The following NSMAF variants were observed in gnomAD, a reference collection of about 807,000 sequenced individuals.
NSMAF encodes protein FAN.
A neutral mutation model predicts 134.9 loss-of-function variants in NSMAF; 90 were observed. That is an observed-to-expected ratio of 0.67 (90% confidence interval 0.56 to 0.79). The LOEUF (loss-of-function observed/expected upper bound fraction) is 0.79. NSMAF is among the 30% of genes least tolerant of loss of function. The probability of loss-of-function intolerance (pLI) is 0.00; values close to 1 mark genes in which losing one functional copy is unlikely to be tolerated. For synonymous variants in NSMAF, 358 were observed against 389.6 expected, an observed-to-expected ratio of 0.92 and a Z score of 0.96; for missense variants, 1,010 against 1,119.0, an observed-to-expected ratio of 0.90 and a Z score of 1.39.
At chr8:58,602,255 C>A in intron 13 of NSMAF, 118 bp from the exon 14 acceptor site, 1 of 666,898 alleles carries the variant, frequency 1.5e-6, no homozygotes, top group East Asian at 3.0e-5. Flanking sequence ...GAGAGCAATC[C>A]ATGAGAGTTA....
At chr8:58,619,987 C>G (rs765350365) in intron 9 of NSMAF, among the ~76,000 whole-genome samples, 23 of 152,108 alleles carry the variant, frequency 1.5e-4, no homozygotes, top group Non-Finnish European at 3.1e-4. Flanking sequence ...TAATAATTAG[C>G]TTAGTGGTAC....
At chr8:58,598,490 C>CAAA (rs71250204) in intron 19 of NSMAF, among the ~76,000 whole-genome samples, 85 of 125,978 alleles carry the variant, frequency 6.7e-4, no homozygotes, top group East Asian at 9.0e-4. Context: ...CTGTCTCAAA[C>CAAA]AAAAAAAAAA....
chr8:58,659,430 G>C (rs1222396301), intron 1 of NSMAF, 143 bp downstream of exon 1: 1 of 1,501,102 alleles, frequency 6.7e-7, no homozygotes, highest in East Asian at 2.8e-5. Context: ...ACAGCCCCCA[G>C]CCCAGGCCCT....
intron 1 of NSMAF, among the ~76,000 whole-genome samples, chr8:58,655,452 T>C (rs1479390228): frequency 2.7e-5 from 4 of 150,224 alleles, no homozygotes; most frequent in African/African-American, 9.8e-5. Flanking sequence ...CAGGCTGGGG[T>C]GCAGTGGTAT....
chr8:58,584,836 G>A (rs570279613), intron 30 of NSMAF, among the ~76,000 whole-genome samples: 161 of 152,188 alleles, frequency 1.1e-3, no homozygotes, highest in African/African-American at 3.7e-3. Flanking sequence ...ATGAGGTTTC[G>A]CTATGTTGCC....
chr8:58,593,955 C>G (rs922270101), intron 23 of NSMAF, among the ~76,000 whole-genome samples: 9 of 152,208 alleles, frequency 5.9e-5, no homozygotes, highest in African/African-American at 1.7e-4. Context: ...CATGGGCAGG[C>G]AGGAAGTGCC....
At chr8:58,593,383 G>A (rs1211555144) in intron 23 of NSMAF, among the ~76,000 whole-genome samples, 1 of 152,194 alleles carries the variant, frequency 6.6e-6, no homozygotes, top group Non-Finnish European at 1.5e-5. Context: ...GAATCTGAGA[G>A]TAGTAATTCT....
At chr8:58,589,401 T>A (rs767623533) in intron 26 of NSMAF, 51 bp downstream of exon 26, 1 of 1,355,516 alleles carries the variant, frequency 7.4e-7, no homozygotes, top group South Asian at 2.1e-5. Flanking sequence ...AAATTATACA[T>A]ATGCCATATA....
At chr8:58,586,287 AGT>A (rs1805883425) in intron 28 of NSMAF, 169 bp downstream of exon 28, 1 of 661,010 alleles carries the variant, frequency 1.5e-6, no homozygotes, top group Non-Finnish European at 2.6e-6. Context: ...AAATGCCACA[AGT>A]ATACTGTACC....
chr8:58,625,945 A>G (rs1806919702), intron 6 of NSMAF, among the ~76,000 whole-genome samples: 2 of 151,680 alleles, frequency 1.3e-5, no homozygotes, highest in Admixed American at 6.6e-5. Flanking sequence ...TTTGTGGTAC[A>G]GGTGGTTTTT....
intron 2 of NSMAF, among the ~76,000 whole-genome samples, chr8:58,641,963 G>A (rs1342412917): frequency 6.6e-6 from 1 of 152,122 alleles, no homozygotes; most frequent in Non-Finnish European, 1.5e-5. Flanking sequence ...ATATACGATA[G>A]AAGAATGTTG....
intron 6 of NSMAF, among the ~76,000 whole-genome samples, chr8:58,628,562 G>C (rs906065737): frequency 2.0e-5 from 3 of 152,080 alleles, no homozygotes; most frequent in Non-Finnish European, 4.4e-5. Context: ...TTGTATACCA[G>C]AATTAAACTG....
intron 9 of NSMAF, among the ~76,000 whole-genome samples, chr8:58,614,929 C>T (rs1806623191): frequency 6.6e-6 from 1 of 151,940 alleles, no homozygotes; most frequent in Admixed American, 6.6e-5. Flanking sequence ...AAAAGCAAGA[C>T]TCAACTATAT....
chr8:58,612,011 C>G (rs1457523868), intron 9 of NSMAF, among the ~76,000 whole-genome samples: 1 of 152,152 alleles, frequency 6.6e-6, no homozygotes, highest in Non-Finnish European at 1.5e-5. Context: ...TGTGTAATTT[C>G]CCGAGTGACA....
chr8:58,610,897 C>G (rs1806515035), intron 9 of NSMAF, among the ~76,000 whole-genome samples: 3 of 152,264 alleles, frequency 2.0e-5, no homozygotes, highest in East Asian at 1.9e-4. Context: ...TTTATCACTC[C>G]CTCAATAGAG....
chr8:58,612,254 G>A (rs1806545585), intron 9 of NSMAF, among the ~76,000 whole-genome samples: 1 of 152,150 alleles, frequency 6.6e-6, no homozygotes, highest in East Asian at 1.9e-4. Context: ...AGAGGCTGGA[G>A]ACTGAGTTAA....
chr8:58,586,032 G>C, intron 28 of NSMAF, 32 bp from the exon 29 acceptor site: 2 of 1,469,268 alleles, frequency 1.4e-6, no homozygotes, highest in Non-Finnish European at 1.9e-6. Context: ...AGATATGAGT[G>C]ACAGCTTCAG....
chr8:58,608,923 C>A (rs143857347), intron 10 of NSMAF, among the ~76,000 whole-genome samples: 1 of 152,192 alleles, frequency 6.6e-6, no homozygotes, highest in Non-Finnish European at 1.5e-5. Context: ...GATTTCTGTT[C>A]TTTTAATGGA....
In NSMAF at chr8:58,635,453, T is replaced by G. The variant is rs1807151066; in HGVS notation, c.228+15A>C. 1.3e-6 allele frequency: 2 copies of G among 1,584,030 alleles called. No individual in the cohort carries two copies. Among genetic ancestry groups the G allele is most frequent in the African/African-American group, 1.4e-5 (1 of 73,444 alleles). On this transcript the variant is annotated intron_variant, in intron 3 of 30. Transcript: ENST00000038176. Reference sequence around the variant, plus strand: ...AAAATAGGAATGTTTCTGTTCATATTTAAAATGTATTTACCTTGATGATGG... The same window carrying G: ...AAAATAGGAATGTTTCTGTTCATATGTAAAATGTATTTACCTTGATGATGG...
Sources: allele counts gnomAD v4.1 joint callset (sites outside exome capture counted in the v4.1 genomes callset), GRCh38; gene constraint gnomAD v4.1.1; transcripts MANE v1.5; gene names NCBI Gene and HGNC (gene_info 2026-07-23, HGNC 2026-07-21).